Variants in ZNF384 observed in about 807,000 individuals in gnomAD.
ZNF384 encodes zinc finger protein 384.
ZNF384 carries 20 observed loss-of-function variants against 65.0 expected under a neutral mutation model. The ratio of observed to expected loss-of-function variants is 0.31; its 90% CI spans 0.22 to 0.45. ZNF384 has a LOEUF of 0.45. Ranked by LOEUF, ZNF384 falls within the 20% of genes least tolerant of loss-of-function variation. ZNF384 has a pLI of 1.00. For synonymous variants in ZNF384, 310 were observed against 303.9 expected (o/e 1.02, Z -0.21); for missense variants, 549 against 769.4 (o/e 0.71, Z 3.39).
At position 6,673,313 on chromosome 12, in the gene ZNF384, C is replaced by G. The variant is rs770557401; in HGVS notation, c.907G>C (p.Ala303Pro). 1 of 1,612,890 alleles carries G rather than the reference C, an allele frequency of 6.2e-7. No individual in the cohort carries two copies. Among genetic ancestry groups the G allele is most frequent in the African/African-American group, 1.3e-5 (1 of 74,548 alleles). Residue 303 changes from alanine (A) to proline (P), a missense_variant, in exon 8 of 12, where the codon GCC (alanine) becomes CCC (proline). Physicochemically the swap from Ala to Pro is conservative, Grantham distance 27. Coordinates refer to ENST00000683879, the MANE Select transcript of ZNF384 (RefSeq NM_001385745.1). This position sits in a 1 kb window ranked among gnomAD's most constrained non-coding sequence, Gnocchi z 4.7. ...SKTFANSSYL[A>P]QHIRIHSGAK... ...CCTGAGTGTATACGGATGTGCTGGG[C>G]CAGGTAGGAGCTGTTGGCGAAGGTC...
rs1245479973 is a variant in ZNF384 at position 6,678,319 on chromosome 12, G to C, written c.494C>G (p.Ser165Cys). Reference protein sequence around the residue: ...SQALQVVPDLSKKVASTLTEE... With the variant: ...SQALQVVPDLCKKVASTLTEE... Reference sequence around the variant, plus strand: ...GGTTAGGGTCGATGCTACCTTCTTGGAGAGGTCAGGGACAACCTGCAGGGC... The same window carrying C: ...GGTTAGGGTCGATGCTACCTTCTTGCAGAGGTCAGGGACAACCTGCAGGGC... Residue 165 changes from serine to cysteine, a missense_variant, in exon 6 of 12, where the codon TCC becomes TGC. Transcript: ENST00000683879. The surrounding 1 kb of genome is among the most constrained non-coding windows in gnomAD (Gnocchi z 4.9). 6.2e-7 allele frequency: 1 copy of C among 1,613,990 alleles called. No homozygotes were observed. Among genetic ancestry groups the C allele is most frequent in the Non-Finnish European group, 8.5e-7 (1 of 1,180,028 alleles).
intron 11 of ZNF384, among the ~76,000 whole-genome samples, chr12:6,668,828 C>G (rs1348952943): frequency 6.6e-6 from 1 of 152,072 alleles, no homozygotes; most frequent in South Asian, 2.1e-4. Context: ...ACAGCTTATG[C>G]GTCTCTATAG....
At chr12:6,684,627 C>A (rs1957258860) in intron 2 of ZNF384, among the ~76,000 whole-genome samples, 1 of 152,142 alleles carries the variant, frequency 6.6e-6, no homozygotes, top group South Asian at 2.1e-4. Flanking sequence ...ATATGCGTTA[C>A]CAGCTTCCGA....
rs1443978501 is a variant in ZNF384 at position 6,673,709 on chromosome 12, C to A, written c.780-269G>T. Among the ~76,000 whole-genome samples, 1 of 152,190 alleles carries A rather than the reference C, an allele frequency of 6.6e-6. No homozygotes were observed. The highest frequency in any genetic ancestry group is 6.5e-5 in the Admixed American group (1 of 15,276). The stretch of plus-strand genomic sequence containing the variant: ...AGATAAAACAGAAACAGTATGAACT[C>A]TGGGCAGATGCGAATTTCAATGGGC... On this transcript the variant is annotated intron_variant, in intron 7 of 11. Coordinates refer to ENST00000683879, the MANE Select transcript of ZNF384 (RefSeq NM_001385745.1). This position sits in a 1 kb window ranked among gnomAD's most constrained non-coding sequence, Gnocchi z 4.7.
chr12:6,683,710 A>G (rs1286088986), intron 2 of ZNF384, among the ~76,000 whole-genome samples: 1 of 151,298 alleles, frequency 6.6e-6, no homozygotes, highest in East Asian at 1.9e-4. Flanking sequence ...TAAATGCACT[A>G]TGGATGTGAA....
chr12:6,671,435 C>T (rs555914659), intron 9 of ZNF384: 3 of 152,720 alleles, frequency 2.0e-5, no homozygotes, highest in African/African-American at 7.2e-5. Context: ...GGGCCCTCTG[C>T]TAAGATGAGC....
chr12:6,671,106 A>G (rs1048280434), intron 9 of ZNF384, among the ~76,000 whole-genome samples: 7 of 152,226 alleles, frequency 4.6e-5, no homozygotes, highest in African/African-American at 1.4e-4. Context: ...GCAGCCCACA[A>G]TTTGGCATTC....
At chr12:6,669,999 C>T (rs1402444878) in intron 10 of ZNF384, among the ~76,000 whole-genome samples, 1 of 152,116 alleles carries the variant, frequency 6.6e-6, no homozygotes, top group Non-Finnish European at 1.5e-5. Context: ...AATCTTGTTC[C>T]CCTCAAAATT....
Position 6,678,355 on chromosome 12 carries a change from G to A in ZNF384, c.458C>T (p.Pro153Leu). 1.9e-6 allele frequency: 3 copies of A among 1,614,128 alleles called. No homozygotes were observed. The highest frequency in any genetic ancestry group is 2.5e-6 in the Non-Finnish European group (3 of 1,180,016). The change falls in exon 6 of 12, where the codon CCT becomes CTT. Residue 153 changes from proline to leucine, a missense_variant. By Grantham distance (98) the Pro-to-Leu change is moderately conservative. Around this residue, in one of 5 missense-constraint regions of ZNF384, gnomAD observed 277 missense variants for 337.2 expected, o/e 0.82. Transcript: ENST00000683879. This position sits in a 1 kb window ranked among gnomAD's most constrained non-coding sequence, Gnocchi z 4.9. Reference protein sequence around the residue: ...SAPMIVSALPPGSQALQVVPD... With the variant: ...SAPMIVSALPLGSQALQVVPD... ...GACAACCTGCAGGGCTTGTGAGCCA[G>A]GGGGAAGAGCTGAGACAATCATGGG...
chr12:6,678,400 T>G lies in ZNF384; in HGVS notation c.413A>C (p.Gln138Pro). ...GSLVTTASSAQTFPISAPMIV... is the reference protein window; with the variant it reads ...GSLVTTASSAPTFPISAPMIV... ...CATGGGAGCCGAAATGGGGAAGGTCTGAGCTGATGATGCTGTGGTCACAAG... is the reference window on the plus strand; with the variant it reads ...CATGGGAGCCGAAATGGGGAAGGTCGGAGCTGATGATGCTGTGGTCACAAG... Residue 138 changes from glutamine (Q) to proline (P), a missense_variant, in exon 6 of 12, where the codon CAG (glutamine) becomes CCG (proline). Coordinates refer to ENST00000683879, the MANE Select transcript of ZNF384 (RefSeq NM_001385745.1). The surrounding 1 kb of genome is among the most constrained non-coding windows in gnomAD (Gnocchi z 4.9). The G allele has an allele frequency of 1.2e-6, 2 of 1,610,416 alleles. No individual in the cohort carries two copies. The highest frequency in any genetic ancestry group is 1.7e-6 in the Non-Finnish European group (2 of 1,178,264).
chr12:6,681,053 C>A (rs1328371808), intron 2 of ZNF384, among the ~76,000 whole-genome samples: 1 of 152,010 alleles, frequency 6.6e-6, no homozygotes, highest in East Asian at 1.9e-4. Context: ...CCCATCTCTA[C>A]TAAAAGTACA....
rs753461877 is a variant in ZNF384 at position 6,667,583 on chromosome 12, G to A, written c.*131C>T. On this transcript the variant is annotated 3_prime_UTR_variant, in exon 12 of 12. Coordinates refer to ENST00000683879, the MANE Select transcript of ZNF384 (RefSeq NM_001385745.1). The stretch of plus-strand genomic sequence containing the variant: ...AAAGGATGGTATCCTGTGAAGGAAA[G>A]CCGTGACAGAGGCCCAAGGAGATGG... 11 of 1,185,502 alleles carry A rather than the reference G, an allele frequency of 9.3e-6. No homozygotes were observed. The highest frequency in any genetic ancestry group is 1.9e-4 in the Middle Eastern group (1 of 5,264). 73.4% of individuals were successfully genotyped at this position (1,185,502 alleles called of 1,614,324 possible). A position where few individuals can be genotyped will look rare whatever the true frequency, so the allele number is the denominator to read the frequency against.
At chr12:6,687,835 G>A (rs536621957) in intron 2 of ZNF384, among the ~76,000 whole-genome samples, 3 of 152,126 alleles carry the variant, frequency 2.0e-5, no homozygotes, top group Admixed American at 6.5e-5. Context: ...TGGCATTTAG[G>A]GTCTTTGTGT....
chr12:6,684,867 G>A (rs1261120083), intron 2 of ZNF384, among the ~76,000 whole-genome samples: 1 of 152,016 alleles, frequency 6.6e-6, no homozygotes, highest in African/African-American at 2.4e-5. Context: ...GGCGTTCTGG[G>A]GCCAGATCAC....
chr12:6,685,499 G>A (rs1038247418), intron 2 of ZNF384, among the ~76,000 whole-genome samples: 2 of 151,478 alleles, frequency 1.3e-5, no homozygotes, highest in African/African-American at 2.4e-5. Context: ...ACTGCTGGGC[G>A]AGGTGGCTCA....
At chr12:6,677,054 C>A in intron 7 of ZNF384, 113 bp downstream of exon 7, 3 of 320,172 alleles carry the variant, frequency 9.4e-6, no homozygotes, top group South Asian at 2.5e-5. Flanking sequence ...TTGAAGTTCC[C>A]AACATTTCAA....
rs61733174 is a variant in ZNF384, at chr12:6,678,261, G to A, written c.552C>T (p.Gly184=). ...EEGGGGGGGG[G]SVAPKPPRGR... is the part of the protein sequence containing the mutation. ...CCCGGGGTGGCTTAGGAGCCACACT[G>A]CCACCTCCACCACCACCTCCGCCTC... The change falls in exon 6 of 12, where the codon GGC becomes GGT. Residue 184 remains glycine, a synonymous_variant. Coordinates refer to ENST00000683879, the MANE Select transcript of ZNF384 (RefSeq NM_001385745.1). The surrounding 1 kb of genome is among the most constrained non-coding windows in gnomAD (Gnocchi z 4.9). The A allele has an allele frequency of 1.3e-5, 21 of 1,614,148 alleles. No homozygotes were observed. The highest frequency in any genetic ancestry group is 1.8e-5 in the Non-Finnish European group (21 of 1,180,032).
intron 7 of ZNF384, among the ~76,000 whole-genome samples, chr12:6,675,597 G>A (rs1299030920): frequency 6.6e-6 from 1 of 152,158 alleles, no homozygotes; most frequent in African/African-American, 2.4e-5. Flanking sequence ...TTGGAGAGTC[G>A]TGGCAGTCAG....
rs1185061310 is a variant in ZNF384, at chr12:6,667,999, C to CTGGGCT, written c.1536_1541dup (p.Gln526_Ala527dup). ...CCTGGGCTTGAGCCTGAGCCTGAGC[C>CTGGGCT]TGGGCTTGAGCTTGAGCCTGGGCCT... On this transcript the variant is annotated inframe_insertion, in exon 12 of 12. Coordinates refer to ENST00000683879, the MANE Select transcript of ZNF384 (RefSeq NM_001385745.1). The CTGGGCT allele has an allele frequency of 6.2e-7, 1 of 1,613,062 alleles. No homozygotes were observed. Among genetic ancestry groups the CTGGGCT allele is most frequent in the Admixed American group, 1.7e-5 (1 of 59,928 alleles).
Sources: allele counts gnomAD v4.1 joint callset (sites outside exome capture counted in the v4.1 genomes callset), GRCh38; gene constraint gnomAD v4.1.1; regional missense constraint gnomAD v4.1.1; non-coding constraint Gnocchi (gnomAD v3.1); transcripts MANE v1.5; gene names NCBI Gene and HGNC (gene_info 2026-07-23, HGNC 2026-07-21).